ROR2: variants seen among roughly 807,000 people sequenced by gnomAD.
ROR2 encodes tyrosine-protein kinase transmembrane receptor ROR2.
A neutral mutation model predicts 74.9 loss-of-function variants in ROR2; 33 were observed. The observed-to-expected ratio is 0.44, with a 90% CI of 0.33 to 0.59. The LOEUF (loss-of-function observed/expected upper bound fraction) is 0.59, where lower values mean the gene tolerates loss of function less well. Ranked by LOEUF, ROR2 falls within the 20% of genes least tolerant of loss-of-function variation. ROR2 has a pLI of 0.02. For synonymous variants in ROR2, 586 were observed against 558.7 expected (o/e 1.05, Z -0.69); for missense variants, 1,216 against 1,313.8 (o/e 0.93, Z 1.15).
chr9:91,948,930 G>A, intron 1 of ROR2: 1 of 985,170 alleles, frequency 1.0e-6, no homozygotes, highest in Non-Finnish European at 1.2e-6. Flanking sequence ...CAGAGCTAAC[G>A]CCGCCTCCTC....
chr9:91,762,510 GA>G (rs1267659869), intron 2 of ROR2, among the ~76,000 whole-genome samples: 1 of 151,886 alleles, frequency 6.6e-6, no homozygotes. Context: ...CAAACATACA[GA>G]AAAAACACAG....
At chr9:91,932,197 C>T (rs573611726) in intron 1 of ROR2, among the ~76,000 whole-genome samples, 2 of 151,908 alleles carry the variant, frequency 1.3e-5, no homozygotes, top group Admixed American at 1.3e-4. Flanking sequence ...CATACACACA[C>T]AAAAAAAGAT....
rs1203069114 is a variant in ROR2 at position 91,801,521 on chromosome 9, C to T, written c.98-25703G>A. Among the ~76,000 whole-genome samples, 4 of 152,038 alleles carry T rather than the reference C, an allele frequency of 2.6e-5. No homozygotes were observed. The East Asian group carries it at 5.8e-4, about 22-fold the overall frequency. Reference sequence around the variant, plus strand: ...CTAATTTTTGTATTTTTTGTAGAGACGGGATTTCGCCATGTTGGCCACGAT... The same window carrying T: ...CTAATTTTTGTATTTTTTGTAGAGATGGGATTTCGCCATGTTGGCCACGAT... On this transcript the variant is annotated intron_variant, in intron 1 of 8. Coordinates refer to ENST00000375708, the MANE Select transcript of ROR2 (RefSeq NM_004560.4).
At chr9:91,767,129 C>G (rs1167185062) in intron 2 of ROR2, among the ~76,000 whole-genome samples, 2 of 151,348 alleles carry the variant, frequency 1.3e-5, no homozygotes, top group Admixed American at 1.3e-4. Context: ...GACTGGAGTG[C>G]AGTGGCGTGA....
At chr9:91,939,006 T>C (rs1831777048) in intron 1 of ROR2, among the ~76,000 whole-genome samples, 1 of 152,174 alleles carries the variant, frequency 6.6e-6, no homozygotes, top group Non-Finnish European at 1.5e-5. Context: ...ATTCCAGCAC[T>C]GTGGGAGGCC....
chr9:91,935,562 G>A (rs1019259241), intron 1 of ROR2, among the ~76,000 whole-genome samples: 4 of 152,348 alleles, frequency 2.6e-5, no homozygotes, highest in African/African-American at 4.8e-5. Flanking sequence ...GCCGCCATGA[G>A]GATGTTTGCT....
intron 1 of ROR2, among the ~76,000 whole-genome samples, chr9:91,900,567 G>A (rs557404828): frequency 6.0e-4 from 91 of 152,374 alleles, no homozygotes; most frequent in Non-Finnish European, 8.4e-4. Flanking sequence ...AGCAGCCAAG[G>A]AGGCGGGAAA....
chr9:91,909,500 C>A (rs1363453405), intron 1 of ROR2, among the ~76,000 whole-genome samples: 3 of 148,454 alleles, frequency 2.0e-5, no homozygotes, highest in African/African-American at 7.6e-5. Flanking sequence ...GCATGCATCA[C>A]CACATCCAAC....
intron 4 of ROR2, among the ~76,000 whole-genome samples, chr9:91,743,866 A>G (rs1825322236): frequency 6.6e-6 from 1 of 152,226 alleles, no homozygotes; most frequent in Admixed American, 6.5e-5. Context: ...TTCAAAAATC[A>G]CAATATTGAA....
intron 1 of ROR2, among the ~76,000 whole-genome samples, chr9:91,848,551 G>A (rs372873370): frequency 4.6e-5 from 7 of 152,050 alleles, no homozygotes; most frequent in East Asian, 1.9e-4. Flanking sequence ...ACCTGAGGTC[G>A]GAAGTTCAAG....
At position 91,722,807 on chromosome 9, in the gene ROR2, G is replaced by C. The variant is rs1205408662; in HGVS notation, c.*855C>G. On this transcript the variant is annotated 3_prime_UTR_variant, in exon 9 of 9. Transcript: ENST00000375708. ...TAACATAAACAGTTAAATTACTAAAGTCATCTTAAGACCAAAATACTTCAA... is the reference window on the plus strand; with the variant it reads ...TAACATAAACAGTTAAATTACTAAACTCATCTTAAGACCAAAATACTTCAA... 1 of 580,846 alleles carries C rather than the reference G, an allele frequency of 1.7e-6. No individual in the cohort carries two copies. Among genetic ancestry groups the C allele is most frequent in the African/African-American group, 1.9e-5 (1 of 53,584 alleles). 36.0% of individuals were successfully genotyped at this position (580,846 alleles called of 1,614,324 possible). A position where few individuals can be genotyped will look rare whatever the true frequency, so the allele number is the denominator to read the frequency against.
At chr9:91,939,167 C>T (rs1358036610) in intron 1 of ROR2, among the ~76,000 whole-genome samples, 1 of 151,944 alleles carries the variant, frequency 6.6e-6, no homozygotes, top group Non-Finnish European at 1.5e-5. Context: ...GGGGAATTGC[C>T]TGAACCCGGA....
chr9:91,778,442 G>A (rs771271136), intron 1 of ROR2, among the ~76,000 whole-genome samples: 1 of 152,106 alleles, frequency 6.6e-6, no homozygotes, highest in Non-Finnish European at 1.5e-5. Flanking sequence ...AGGCCTTTTC[G>A]GTTTTCACCT....
intron 1 of ROR2, among the ~76,000 whole-genome samples, chr9:91,781,943 G>A (rs1826633210): frequency 6.6e-6 from 1 of 152,182 alleles, no homozygotes; most frequent in Non-Finnish European, 1.5e-5. Context: ...TTCTGTCTCT[G>A]ACAGCCCCCA....
At chr9:91,914,754 G>A (rs1831084832) in intron 1 of ROR2, among the ~76,000 whole-genome samples, 1 of 152,162 alleles carries the variant, frequency 6.6e-6, no homozygotes, top group Admixed American at 6.5e-5. Context: ...TGCCACGGCA[G>A]GTGTAGATCT....
At chr9:91,937,289 T>C (rs980674710) in intron 1 of ROR2, among the ~76,000 whole-genome samples, 1 of 152,120 alleles carries the variant, frequency 6.6e-6, no homozygotes, top group Non-Finnish European at 1.5e-5. Flanking sequence ...TTTAAAAATG[T>C]TAAATATGCT....
chr9:91,899,680 C>T (rs915371584), intron 1 of ROR2, among the ~76,000 whole-genome samples: 2 of 151,998 alleles, frequency 1.3e-5, no homozygotes, highest in Non-Finnish European at 2.9e-5. Flanking sequence ...TCAGAGTTCC[C>T]CACGCTCTGC....
chr9:91,786,250 C>T (rs1826798234), intron 1 of ROR2, among the ~76,000 whole-genome samples: 1 of 151,200 alleles, frequency 6.6e-6, no homozygotes, highest in South Asian at 2.1e-4. Flanking sequence ...TCGCTTGAGC[C>T]TGGGAGGTTG....
At chr9:91,943,385 T>C (rs1053778819) in intron 1 of ROR2, among the ~76,000 whole-genome samples, 2 of 151,888 alleles carry the variant, frequency 1.3e-5, no homozygotes, top group Non-Finnish European at 2.9e-5. Context: ...TAACATAATA[T>C]ATACCAAATA....
Sources: gnomAD v4.1 joint callset for allele counts (sites outside exome capture counted in the v4.1 genomes callset) on GRCh38, gnomAD v4.1.1 for gene constraint, MANE v1.5 for transcripts, NCBI Gene and HGNC (gene_info 2026-07-23, HGNC 2026-07-21) for gene names.